PCNX2: variants seen among roughly 807,000 people sequenced by gnomAD.
PCNX2 encodes pecanex 2.
A neutral mutation model predicts 223.8 loss-of-function variants in PCNX2; 168 were observed. That is an observed-to-expected ratio of 0.75 (90% CI 0.66 to 0.85). The LOEUF is 0.85. PCNX2 is among the 40% of genes least tolerant of loss of function. The pLI is 0.00. For missense variants in PCNX2, 2,507 were observed against 2,675.5 expected (o/e 0.94, Z 1.39); for synonymous variants, 1,006 against 1,052.6 (o/e 0.96, Z 0.86).
intron 19 of PCNX2, among the ~76,000 whole-genome samples, chr1:233,141,040 A>T: frequency 6.8e-6 from 1 of 146,172 alleles, no homozygotes; most frequent in South Asian, 2.1e-4. Flanking sequence ...AATTTATAGT[A>T]AAAAAAAAAA....
At chr1:233,260,422 T>C (rs984913787) in intron 4 of PCNX2, among the ~76,000 whole-genome samples, 4 of 152,230 alleles carry the variant, frequency 2.6e-5, no homozygotes, top group Non-Finnish European at 5.9e-5. Context: ...GAAAAAGGTA[T>C]GTGCTTGTAT....
the PCNX2 span, among the ~76,000 whole-genome samples, chr1:233,307,700 C>A: frequency 7.2e-5 from 11 of 152,194 alleles, no homozygotes; most frequent in Non-Finnish European, 7.3e-5. Context: ...TCTATTCACT[C>A]TTTGAGTCCA....
intron 20 of PCNX2, among the ~76,000 whole-genome samples, chr1:233,136,787 A>C (rs200624805): frequency 0.033 from 5,055 of 152,290 alleles, 112 homozygotes; most frequent in African/African-American, 0.067. Context: ...CCCCTGTGGA[A>C]AGCCAAAGCC....
intron 9 of PCNX2, among the ~76,000 whole-genome samples, chr1:233,231,034 TA>T (rs745710273): frequency 5.9e-5 from 9 of 152,326 alleles, no homozygotes; most frequent in South Asian, 2.1e-4. Context: ...TTTTGCCATA[TA>T]TTATCTCTAA....
intron 20 of PCNX2, among the ~76,000 whole-genome samples, chr1:233,136,986 T>C (rs1345416637): frequency 6.6e-6 from 1 of 152,206 alleles, no homozygotes; most frequent in Non-Finnish European, 1.5e-5. Context: ...TGGTTCAAAC[T>C]GTGGGAGATC....
At chr1:233,257,566 T>C (rs1304099698) in intron 5 of PCNX2, among the ~76,000 whole-genome samples, 1 of 152,218 alleles carries the variant, frequency 6.6e-6, no homozygotes, top group African/African-American at 2.4e-5. Context: ...GAAGTGTTTG[T>C]TATTATTATG....
intron 23 of PCNX2, among the ~76,000 whole-genome samples, chr1:233,068,457 T>C (rs894211292): frequency 2.6e-5 from 4 of 152,164 alleles, no homozygotes; most frequent in African/African-American, 7.2e-5. Flanking sequence ...GTAAATACAA[T>C]AGACGTCCTT....
chr1:232,983,562 C>T lies in PCNX2; in HGVS notation c.*742G>A, dbSNP rs374877373. Reference sequence around the variant, plus strand: ...CGCAGGGTGCTGGCGGCCCACCAATCGCCTGGACTACAGTGAGGAGCATTG... The same window carrying T: ...CGCAGGGTGCTGGCGGCCCACCAATTGCCTGGACTACAGTGAGGAGCATTG... On this transcript the variant is annotated 3_prime_UTR_variant, in exon 34 of 34. Transcript: ENST00000258229. 1.3e-5 allele frequency: 2 copies of T among 152,234 alleles called. No homozygotes were observed. The highest frequency in any genetic ancestry group is 4.8e-5 in the African/African-American group (2 of 41,466). The allele number at this position is 152,234 out of a possible 1,614,324, so 9.4% of individuals were successfully genotyped here. A position where few individuals can be genotyped will look rare whatever the true frequency, so the allele number is the denominator to read the frequency against.
chr1:233,232,762 T>C (rs1274435379), intron 9 of PCNX2: 1 of 965,966 alleles, frequency 1.0e-6, no homozygotes, highest in Non-Finnish European at 1.2e-6. Context: ...TATATCTACC[T>C]AGAATAACAG....
the PCNX2 span, among the ~76,000 whole-genome samples, chr1:233,315,853 A>G: frequency 6.6e-6 from 1 of 152,218 alleles, no homozygotes; most frequent in Non-Finnish European, 1.5e-5. Flanking sequence ...CCTTTGTTTA[A>G]TATTTCTAGC....
chr1:233,117,927 G>A (rs1489134635), intron 21 of PCNX2, among the ~76,000 whole-genome samples: 2 of 148,700 alleles, frequency 1.3e-5, no homozygotes, highest in East Asian at 2.0e-4. Flanking sequence ...GGAGAATGGC[G>A]TGAACCCGGG....
intron 23 of PCNX2, among the ~76,000 whole-genome samples, chr1:233,083,044 A>T (rs1673431806): frequency 6.6e-6 from 1 of 152,226 alleles, no homozygotes; most frequent in Admixed American, 6.5e-5. Flanking sequence ...AGGATGAAGA[A>T]GGGTCAGCTC....
chr1:233,080,125 T>C lies in PCNX2; in HGVS notation c.4076+9936A>G, dbSNP rs1266130969. Reference sequence around the variant, plus strand: ...GTTTGTCCCATATGTCCCCAGCCAGTTGGGTGAGATTTATTGACTTCAAAC... The same window carrying C: ...GTTTGTCCCATATGTCCCCAGCCAGCTGGGTGAGATTTATTGACTTCAAAC... On this transcript the variant is annotated intron_variant, in intron 23 of 33. Transcript: ENST00000258229. 2.0e-5 allele frequency among the ~76,000 whole-genome samples: 3 copies of C among 152,128 alleles called. No homozygotes were observed. In the East Asian group the frequency reaches 5.8e-4, roughly 29 times the overall value.
chr1:233,204,557 G>C (rs1464720248), intron 13 of PCNX2, among the ~76,000 whole-genome samples: 1 of 152,198 alleles, frequency 6.6e-6, no homozygotes, highest in Non-Finnish European at 1.5e-5. Context: ...CTAGTTGAGG[G>C]AATAGACAGT....
At chr1:233,048,527 AG>A (rs1671895568) in intron 25 of PCNX2, among the ~76,000 whole-genome samples, 1 of 152,228 alleles carries the variant, frequency 6.6e-6, no homozygotes, top group South Asian at 2.1e-4. Flanking sequence ...TTAACAGAAA[AG>A]TTCATAGTGC....
chr1:232,994,607 G>C (rs1442840306), intron 32 of PCNX2, among the ~76,000 whole-genome samples: 2 of 152,166 alleles, frequency 1.3e-5, no homozygotes, highest in African/African-American at 4.8e-5. Context: ...AAATGTGAAA[G>C]GGCATGAGAT....
At chr1:233,103,580 C>T (rs1048970645) in intron 21 of PCNX2, among the ~76,000 whole-genome samples, 5 of 152,024 alleles carry the variant, frequency 3.3e-5, no homozygotes, top group African/African-American at 1.2e-4. Context: ...ACATAATGAC[C>T]TCCAGTTCCA....
chr1:233,150,078 C>G (rs972728893), intron 19 of PCNX2, among the ~76,000 whole-genome samples: 3 of 152,138 alleles, frequency 2.0e-5, no homozygotes, highest in African/African-American at 7.2e-5. Flanking sequence ...CTCCAGAGGG[C>G]TGCAGCCACA....
At chr1:233,140,094 CAATTGATTT>C (rs879154334) in intron 19 of PCNX2, among the ~76,000 whole-genome samples, 87,824 of 151,856 alleles carry the variant, frequency 0.58, 26,175 homozygotes, top group African/African-American at 0.72. Flanking sequence ...TTGTTCAAGT[CAATTGATTT>C]CTTCATATAT....
Sources: gnomAD v4.1 joint callset for allele counts (sites outside exome capture counted in the v4.1 genomes callset) on GRCh38, gnomAD v4.1.1 for gene constraint, MANE v1.5 for transcripts, NCBI Gene and HGNC (gene_info 2026-07-23, HGNC 2026-07-21) for gene names.